MSH6: variants seen among roughly 807,000 people sequenced by gnomAD.
MSH6 encodes mutS homolog 6, also known as DNA mismatch repair protein Msh6.
MSH6 carries 85 observed loss-of-function variants against 119.1 expected under a neutral mutation model. The ratio of observed to expected loss-of-function variants is 0.71; its 90% CI spans 0.60 to 0.85. The LOEUF is 0.85. Ranked by LOEUF, MSH6 falls within the 40% of genes least tolerant of loss-of-function variation. MSH6 has a pLI of 0.00. For synonymous variants in MSH6, 830 were observed against 586.9 expected (o/e 1.41, Z -5.99); for missense variants, 2,163 against 1,655.3 (o/e 1.31, Z -5.32).
intron 1 of MSH6, chr2:47,784,005 TAGTG>T (rs2103957135): frequency 9.8e-7 from 1 of 1,022,570 alleles, no homozygotes; most frequent in East Asian, 6.4e-5. Flanking sequence ...GGCGCGGAGA[TAGTG>T]AGTTGGGGCT....
intron 4 of MSH6, chr2:47,801,362 T>TTTTG (rs1669580352): frequency 3.7e-5 from 10 of 269,330 alleles, no homozygotes; most frequent in Non-Finnish European, 5.5e-5. Context: ...CTTTCTTCAG[T>TTTTG]TTTTTTTTTT....
Position 47,800,891 on chromosome 2 carries a change from T to C in MSH6, c.2908T>C (p.Trp970Arg), listed in dbSNP as rs1410870321. 1.2e-6 allele frequency: 2 copies of C among 1,605,240 alleles called. No individual in the cohort carries two copies. Among genetic ancestry groups the C allele is most frequent in the African/African-American group, 1.3e-5 (1 of 74,396 alleles). ...AATTGGCTGTAGGACCATAGTCTAT[T>C]GGGGGATTGGTAGGAACCGTTACCA... ...NRIGCRTIVY[W>R]GIGRNRYQLE... Residue 970 changes from tryptophan (W) to arginine (R), a missense_variant, in exon 4 of 10, where the codon TGG (tryptophan) becomes CGG (arginine). Trp to Arg is a moderately radical substitution (Grantham distance 101, BLOSUM62 -3). Transcript: ENST00000234420.
downstream of MSH6, chr2:47,807,376 A>AACAC (rs1391922061): frequency 9.5e-6 from 2 of 209,662 alleles, no homozygotes; most frequent in Non-Finnish European, 1.9e-5. Context: ...GTCTCATTAA[A>AACAC]ACACTCACTT....
Position 47,783,339 on chromosome 2 carries a change from G to A in MSH6, c.106G>A (p.Ala36Thr). Residue 36 changes from alanine (A) to threonine (T), a missense_variant, in exon 1 of 10, where the codon GCT (alanine) becomes ACT (threonine). Transcript: ENST00000234420. ...CTCACGCGAAGGCGGCCGTGCCGCC[G>A]CTGCCCCCGGGGCCTCTCCTTCCCC... ...RASREGGRAA[A>T]APGASPSPGG... 1 of 1,610,028 alleles carries A rather than the reference G, an allele frequency of 6.2e-7. No individual in the cohort carries two copies. Among genetic ancestry groups the A allele is most frequent in the Non-Finnish European group, 8.5e-7 (1 of 1,178,574 alleles).
At chr2:47,795,387 A>G (rs1669009141) in intron 2 of MSH6, among the ~76,000 whole-genome samples, 1 of 149,796 alleles carries the variant, frequency 6.7e-6, no homozygotes, top group South Asian at 2.1e-4. Context: ...CAAATGTTGT[A>G]GGTTGAGTCA....
Position 47,806,847 on chromosome 2 carries a change from T to TTAAGGAATTATAGACTG in MSH6, c.4071_*4dup, listed in dbSNP as rs1491544951. The stretch of plus-strand genomic sequence containing the variant: ...GCTGTCCATAAATTGCTGACTTTGA[T>TTAAGGAATTATAGACTG]TAAGGAATTATAGACTGACTACATT... On this transcript the variant is annotated stop_gained and frameshift_variant, in exon 10 of 10. Coordinates refer to ENST00000234420, the MANE Select transcript of MSH6 (RefSeq NM_000179.3). LOFTEE classifies it high-confidence loss of function. 1 of 1,611,838 alleles carries TTAAGGAATTATAGACTG rather than the reference T, an allele frequency of 6.2e-7. No individual in the cohort carries two copies. Among genetic ancestry groups the TTAAGGAATTATAGACTG allele is most frequent in the Non-Finnish European group, 8.5e-7 (1 of 1,178,450 alleles).
downstream of MSH6, chr2:47,808,870 TTTG>T (rs1670413568): frequency 3.4e-6 from 1 of 291,646 alleles, no homozygotes; most frequent in South Asian, 7.5e-5. Context: ...TGGTCTTTGT[TTTG>T]TTTTGTAGAG....
At chr2:47,789,574 A>G (rs747353873) in intron 1 of MSH6, 39 of 329,710 alleles carry the variant, frequency 1.2e-4, no homozygotes, top group Admixed American at 5.4e-4. Context: ...ACACATGACA[A>G]AGTTCTAAGG....
Position 47,790,825 on chromosome 2 carries a change from A to G in MSH6, c.261-102A>G, listed in dbSNP as rs190868714. 2.9e-4 allele frequency: 300 copies of G among 1,051,804 alleles called. 2 individuals are homozygous for G. Among genetic ancestry groups the G allele is most frequent in the Middle Eastern group, 4.1e-4 (2 of 4,874 alleles). The allele number at this position is 1,051,804 out of a possible 1,614,324, so 65.2% of individuals were successfully genotyped here. ...ATTATTCTAGAATTTCTGTGCTTCA[A>G]TATTAATGCCAGAAGACTTGGAATT... On this transcript the variant is annotated intron_variant, in intron 1 of 9. Transcript: ENST00000234420.
intron 2 of MSH6, among the ~76,000 whole-genome samples, chr2:47,792,279 T>G (rs1218573894): frequency 6.6e-6 from 1 of 152,084 alleles, no homozygotes; most frequent in Non-Finnish European, 1.5e-5. Flanking sequence ...GTTGTCGTAC[T>G]CGGTGTTGTA....
At chr2:47,804,554 G>T (rs1669836825) in intron 5 of MSH6, among the ~76,000 whole-genome samples, 1 of 147,104 alleles carries the variant, frequency 6.8e-6, no homozygotes, top group African/African-American at 2.5e-5. Flanking sequence ...AAAAAAAGGT[G>T]CAGAGATTCC....
intron 2 of MSH6, among the ~76,000 whole-genome samples, chr2:47,795,381 T>A (rs1669008428): frequency 1.3e-5 from 2 of 151,290 alleles, no homozygotes; most frequent in African/African-American, 4.9e-5. Context: ...TTAGGGCAAA[T>A]GTTGTAGGTT....
At chr2:47,788,922 GTT>G (rs1558650240) in intron 1 of MSH6, among the ~76,000 whole-genome samples, 4 of 40,952 alleles carry the variant, frequency 9.8e-5, no homozygotes, top group African/African-American at 2.0e-4. Context: ...TTTTTTTTTT[GTT>G]TTTTTTTTTT....
intron 5 of MSH6, 79 bp downstream of exon 5, chr2:47,803,764 A>C: frequency 6.4e-7 from 1 of 1,560,724 alleles, no homozygotes; most frequent in Non-Finnish European, 8.8e-7. Context: ...TCATTTTCCA[A>C]ACACAGTTAC....
rs34507655 is a variant in MSH6, at chr2:47,797,723, C to T, written c.628-888C>T. Reference sequence around the variant, plus strand: ...GGCTCAGCGATTTTCTCCACAGGCACCTGCTACTGTGCTCGGTGCAGCACT... The same window carrying T: ...GGCTCAGCGATTTTCTCCACAGGCATCTGCTACTGTGCTCGGTGCAGCACT... On this transcript the variant is annotated intron_variant, in intron 3 of 9. Transcript: ENST00000234420. 1.6e-4 allele frequency: 24 copies of T among 154,010 alleles called. No homozygotes were observed. The South Asian group carries it at 4.7e-3, about 30-fold the overall frequency. The allele number at this position is 154,010 out of a possible 1,614,324, so 9.5% of individuals were successfully genotyped here. A position where few individuals can be genotyped will look rare whatever the true frequency, so the allele number is the denominator to read the frequency against.
chr2:47,801,621 G>A (rs374589494), intron 4 of MSH6, among the ~76,000 whole-genome samples: 8 of 151,038 alleles, frequency 5.3e-5, no homozygotes, highest in Admixed American at 4.0e-4. Flanking sequence ...CTCCTGCCTC[G>A]GCTTCCCAAA....
intron 2 of MSH6, 86 bp downstream of exon 2, chr2:47,791,209 A>T (rs564570497): frequency 7.8e-7 from 1 of 1,280,904 alleles, no homozygotes; most frequent in African/African-American, 1.5e-5. Context: ...ACTTTTTTCT[A>T]TATGATGAAA....
chr2:47,800,578 C>T lies in MSH6; in HGVS notation c.2595C>T (p.Phe865=), dbSNP rs757202837. 6.2e-7 allele frequency: 1 copy of T among 1,613,940 alleles called. No homozygotes were observed. Among genetic ancestry groups the T allele is most frequent in the Non-Finnish European group, 8.5e-7 (1 of 1,179,990 alleles). Residue 865 remains phenylalanine, a synonymous_variant, in exon 4 of 10, where the codon TTC becomes TTT. Transcript: ENST00000234420. ...IIDFLSALEG[F]KVMCKIIGIM... Reference sequence around the variant, plus strand: ...ATTTTCTTTCTGCTCTGGAAGGATTCAAAGTAATGTGTAAAATTATAGGGA... The same window carrying T: ...ATTTTCTTTCTGCTCTGGAAGGATTTAAAGTAATGTGTAAAATTATAGGGA...
intron 1 of MSH6, among the ~76,000 whole-genome samples, chr2:47,787,870 A>G (rs1668441949): frequency 6.6e-6 from 1 of 152,034 alleles, no homozygotes; most frequent in South Asian, 2.1e-4. Context: ...ATCCTCCCAA[A>G]GTGCTGGGAT....
Sources: gnomAD v4.1 joint callset for allele counts (sites outside exome capture counted in the v4.1 genomes callset) on GRCh38, gnomAD v4.1.1 for gene constraint, MANE v1.5 for transcripts, NCBI Gene and HGNC (gene_info 2026-07-23, HGNC 2026-07-21) for gene names.